PCDH15: variants seen among roughly 807,000 people sequenced by gnomAD.
PCDH15 encodes protocadherin-15.
A neutral mutation model predicts 178.5 loss-of-function variants in PCDH15; 129 were observed. That is an observed-to-expected ratio of 0.72 (90% CI 0.63 to 0.84). PCDH15 has a LOEUF of 0.84. Among genes scored for constraint, PCDH15 ranks in the 40% least tolerant of loss-of-function variants. PCDH15 has a pLI of 0.00. For synonymous variants in PCDH15, 800 were observed against 732.0 expected (o/e 1.09, Z -1.50); for missense variants, 2,230 against 2,099.9 (o/e 1.06, Z -1.21).
chr10:54,576,046 C>G (rs201477129), intron 2 of PCDH15, among the ~76,000 whole-genome samples: 3 of 1,180 alleles, frequency 2.5e-3, no homozygotes, highest in Admixed American at 0.019. Context: ...TGTTATTAAA[C>G]AAACAAACAA....
At chr10:54,136,459 C>T (rs1196484395) in intron 14 of PCDH15, among the ~76,000 whole-genome samples, 1 of 137,714 alleles carries the variant, frequency 7.3e-6, no homozygotes, top group African/African-American at 2.6e-5. Flanking sequence ...CTTTCAAAAG[C>T]TAGGCCCTTT....
intron 8 of PCDH15, among the ~76,000 whole-genome samples, chr10:54,257,508 C>G (rs1471363182): frequency 1.3e-5 from 2 of 150,348 alleles, no homozygotes; most frequent in African/African-American, 4.9e-5. Context: ...AAAATACTAC[C>G]CTCCTTTGTT....
In PCDH15 at chr10:54,632,017, T is replaced by A. The variant is rs1008064508; in HGVS notation, c.91+32155A>T. 3.9e-5 allele frequency among the ~76,000 whole-genome samples: 6 copies of A among 151,942 alleles called. No homozygotes were observed. The East Asian group carries it at 1.2e-3, about 29-fold the overall frequency. ...ATGGGGACACAGCCAAACCTTATCA[T>A]CAAGACATGGAATCAACCTAAGTGT... On this transcript the variant is annotated intron_variant, in intron 2 of 37. Coordinates refer to ENST00000644397, the MANE Select transcript of PCDH15 (RefSeq NM_001384140.1).
At chr10:54,495,309 G>A (rs1468551311) in intron 3 of PCDH15, among the ~76,000 whole-genome samples, 2 of 152,122 alleles carry the variant, frequency 1.3e-5, no homozygotes, top group Non-Finnish European at 2.9e-5. Flanking sequence ...AAGGAGATAT[G>A]TCTCATGTAG....
intron 4 of PCDH15, among the ~76,000 whole-genome samples, chr10:54,374,995 A>G (rs1320394364): frequency 6.6e-6 from 1 of 152,076 alleles, no homozygotes; most frequent in Non-Finnish European, 1.5e-5. Flanking sequence ...CCATTAAGAG[A>G]CAGTTTATTG....
intron 3 of PCDH15, among the ~76,000 whole-genome samples, chr10:54,448,918 T>A (rs927135540): frequency 1.7e-4 from 26 of 151,868 alleles, no homozygotes; most frequent in African/African-American, 4.8e-4. Flanking sequence ...ACATCTCCTA[T>A]TTTTACTTCT....
chr10:55,338,927 AAAG>A (rs977649467), intron 2 of PCDH15, among the ~76,000 whole-genome samples: 15 of 152,174 alleles, frequency 9.9e-5, no homozygotes, highest in African/African-American at 3.4e-4. Flanking sequence ...AGCTAAAAAT[AAAG>A]AAGAAGAATA....
chr10:54,958,359 A>G (rs941953221), intron 2 of PCDH15, among the ~76,000 whole-genome samples: 1 of 151,864 alleles, frequency 6.6e-6, no homozygotes, highest in African/African-American at 2.4e-5. Context: ...ATGAAATTCA[A>G]GGAAAAAACA....
intron 1 of PCDH15, among the ~76,000 whole-genome samples, chr10:55,307,360 G>A (rs1470915107): frequency 6.6e-6 from 1 of 151,626 alleles, no homozygotes; most frequent in Non-Finnish European, 1.5e-5. Context: ...AAAATTAGCC[G>A]GGCATGGTGG....
chr10:54,654,010 T>C (rs1446743789), intron 2 of PCDH15, among the ~76,000 whole-genome samples: 2 of 152,228 alleles, frequency 1.3e-5, no homozygotes, highest in African/African-American at 2.4e-5. Flanking sequence ...TCTATTCTTT[T>C]AGTAATGTTG....
intron 23 of PCDH15, among the ~76,000 whole-genome samples, chr10:53,942,663 A>G (rs1178177033): frequency 1.3e-5 from 2 of 152,200 alleles, no homozygotes; most frequent in African/African-American, 2.4e-5. Flanking sequence ...TTAGTCCAAC[A>G]TCCCACAAGA....
chr10:54,110,785 T>C (rs888705559), intron 15 of PCDH15, among the ~76,000 whole-genome samples: 1 of 152,176 alleles, frequency 6.6e-6, no homozygotes, highest in African/African-American at 2.4e-5. Flanking sequence ...AAGATGACAT[T>C]TTTTCCCTTA....
intron 1 of PCDH15, among the ~76,000 whole-genome samples, chr10:54,800,028 C>T (rs1230320661): frequency 6.6e-6 from 1 of 152,088 alleles, no homozygotes; most frequent in Non-Finnish European, 1.5e-5. Flanking sequence ...ACAATTGGCT[C>T]TTTTGTGAAA....
At chr10:54,986,816 T>A (rs1246150198) in intron 2 of PCDH15, among the ~76,000 whole-genome samples, 4 of 152,194 alleles carry the variant, frequency 2.6e-5, no homozygotes, top group Non-Finnish European at 5.9e-5. Flanking sequence ...TGAAATTTTA[T>A]CAGGAAATTT....
chr10:54,980,346 A>G (rs1839199331), intron 2 of PCDH15, among the ~76,000 whole-genome samples: 2 of 152,170 alleles, frequency 1.3e-5, no homozygotes, highest in Admixed American at 6.6e-5. Flanking sequence ...TAATGAAAAG[A>G]GAGTAAATAC....
At chr10:54,129,920 A>G (rs555422845) in intron 15 of PCDH15, among the ~76,000 whole-genome samples, 1 of 152,178 alleles carries the variant, frequency 6.6e-6, no homozygotes, top group Non-Finnish European at 1.5e-5. Context: ...GAGATGATAC[A>G]TGGAAATTTT....
intron 2 of PCDH15, among the ~76,000 whole-genome samples, chr10:54,558,585 T>C (rs1375499291): frequency 6.6e-6 from 1 of 152,150 alleles, no homozygotes; most frequent in Non-Finnish European, 1.5e-5. Flanking sequence ...GCTATATCAT[T>C]GTCAAGGTGA....
intron 2 of PCDH15, among the ~76,000 whole-genome samples, chr10:55,380,921 G>A (rs1412106290): frequency 6.6e-6 from 1 of 152,158 alleles, no homozygotes; most frequent in African/African-American, 2.4e-5. Flanking sequence ...TAGAAGATGA[G>A]AGGTTCAAAG....
chr10:54,141,828 T>G (rs1310764679), intron 14 of PCDH15, among the ~76,000 whole-genome samples: 1 of 152,174 alleles, frequency 6.6e-6, no homozygotes, highest in Non-Finnish European at 1.5e-5. Flanking sequence ...ACTTAATCAG[T>G]TGTAAGTACT....
Sources: allele counts gnomAD v4.1 joint callset (sites outside exome capture counted in the v4.1 genomes callset), GRCh38; gene constraint gnomAD v4.1.1; transcripts MANE v1.5; gene names NCBI Gene and HGNC (gene_info 2026-07-23, HGNC 2026-07-21).